Variants in DIP2C observed in about 807,000 individuals in gnomAD.
DIP2C encodes disco-interacting protein 2 homolog C.
In DIP2C, 33 loss-of-function variants were observed where a neutral mutation model predicts 192.4. The ratio of observed to expected loss-of-function variants is 0.17; its 90% confidence interval spans 0.13 to 0.23. The LOEUF is 0.23. Ranked by LOEUF, DIP2C falls within the 10% of genes least tolerant of loss-of-function variation. DIP2C has a pLI of 1.00. For missense variants in DIP2C, 1,537 were observed against 2,110.1 expected (o/e 0.73, Z 5.32); for synonymous variants, 979 against 864.1 (o/e 1.13, Z -2.33).
intron 31 of DIP2C, 121 bp from the exon 32 acceptor site, chr10:310,213 C>T (rs1329442709): frequency 2.7e-5 from 25 of 934,976 alleles, no homozygotes; most frequent in Non-Finnish European, 4.0e-5. Flanking sequence ...AAACTAAAAA[C>T]ACTTAGACCA....
chr10:631,853 A>G lies in DIP2C; in HGVS notation c.85+57641T>C, dbSNP rs1035223902. ...AAGGCATTTTCATATGTTTACCTGA[A>G]TATTTTAATAAAATCAAAAGATCCC... On this transcript the variant is annotated intron_variant, in intron 1 of 36. Transcript: ENST00000280886. Among the ~76,000 whole-genome samples the G allele has an allele frequency of 4.6e-5, 7 of 152,236 alleles. No homozygotes were observed. In the South Asian group the frequency reaches 6.2e-4, roughly 13 times the overall value.
intron 1 of DIP2C, among the ~76,000 whole-genome samples, chr10:602,406 T>C (rs1260079675): frequency 2.0e-5 from 3 of 152,224 alleles, no homozygotes; most frequent in Non-Finnish European, 4.4e-5. Flanking sequence ...CCTGAATGTC[T>C]GTCCCCAAAA....
intron 1 of DIP2C, among the ~76,000 whole-genome samples, chr10:581,640 A>G (rs1479216943): frequency 4.6e-5 from 7 of 152,150 alleles, no homozygotes; most frequent in Non-Finnish European, 1.0e-4. Context: ...CATGGATGGA[A>G]CCCACCACCA....
At position 274,229 on chromosome 10, in the gene DIP2C, AAAG is replaced by A; in HGVS notation, c.*3093_*3095del. ...GAACAAATATATTTAGATATATTTA[AAAG>A]AATTAAAAAAAACATTTCACAAAAC... On this transcript the variant is annotated 3_prime_UTR_variant, in exon 37 of 37. Transcript: ENST00000280886. 6.6e-6 allele frequency: 1 copy of A among 152,176 alleles called. No homozygotes were observed. Among genetic ancestry groups the A allele is most frequent in the East Asian group, 1.9e-4 (1 of 5,196 alleles). The allele number at this position is 152,176 out of a possible 1,614,324, so 9.4% of individuals were successfully genotyped here.
At chr10:438,025 T>C (rs1177611741) in intron 4 of DIP2C, 1 of 152,218 alleles carries the variant, frequency 6.6e-6, no homozygotes, top group Non-Finnish European at 1.5e-5. Context: ...TATTGATATT[T>C]ATGATTGTAC....
At chr10:457,606 G>C (rs1391765332) in intron 3 of DIP2C, among the ~76,000 whole-genome samples, 1 of 152,006 alleles carries the variant, frequency 6.6e-6, no homozygotes, top group East Asian at 1.9e-4. Flanking sequence ...CCCAGAGTGG[G>C]GTGCAGTGAT....
chr10:660,703 T>C (rs897509163), intron 1 of DIP2C, among the ~76,000 whole-genome samples: 3 of 152,226 alleles, frequency 2.0e-5, no homozygotes, highest in African/African-American at 7.2e-5. Context: ...ATAAAGACTC[T>C]ACAAGGTCAT....
chr10:631,623 T>C (rs1854525014), intron 1 of DIP2C, among the ~76,000 whole-genome samples: 1 of 152,218 alleles, frequency 6.6e-6, no homozygotes, highest in African/African-American at 2.4e-5. Flanking sequence ...TAAAGATTGT[T>C]TTTAAATATT....
chr10:600,075 GA>G (rs1440497299), intron 1 of DIP2C, among the ~76,000 whole-genome samples: 1 of 152,190 alleles, frequency 6.6e-6, no homozygotes. Flanking sequence ...AGGCAGAGGG[GA>G]AAGAGGAACC....
Position 364,405 on chromosome 10 carries a change from C to A in DIP2C, c.2446G>T (p.Val816Leu). The A allele has an allele frequency of 6.2e-7, 1 of 1,613,846 alleles. No homozygotes were observed. Reference protein sequence around the residue: ...ADDIVATALAVEPMKFVYRGR... With the variant: ...ADDIVATALALEPMKFVYRGR... ...CGGTAGACAAACTTCATGGGTTCTA[C>A]GGCCAGCGCAGTGGCCACGATGTCG... The change falls in exon 20 of 37, where the codon GTA (valine) becomes TTA (leucine). Residue 816 changes from valine to leucine, a missense_variant. Around this residue, in one of 4 missense-constraint regions of DIP2C, gnomAD observed 677 missense variants for 989.9 expected, o/e 0.68. Transcript: ENST00000280886.
chr10:282,852 C>T (rs1954908241), intron 35 of DIP2C, among the ~76,000 whole-genome samples: 1 of 152,238 alleles, frequency 6.6e-6, no homozygotes. Context: ...AGACCCAGTC[C>T]TAGAAGCAGC....
At chr10:567,701 G>A (rs1849533162) in intron 1 of DIP2C, among the ~76,000 whole-genome samples, 1 of 152,114 alleles carries the variant, frequency 6.6e-6, no homozygotes. Flanking sequence ...GCAGTGGTGT[G>A]ATCTCTGCTC....
At chr10:644,590 C>T (rs1180819348) in intron 1 of DIP2C, among the ~76,000 whole-genome samples, 1 of 152,262 alleles carries the variant, frequency 6.6e-6, no homozygotes, top group Non-Finnish European at 1.5e-5. Context: ...GCTGAAACAA[C>T]GTCCGGGGGC....
At chr10:618,435 G>C (rs1347980929) in intron 1 of DIP2C, among the ~76,000 whole-genome samples, 1 of 152,182 alleles carries the variant, frequency 6.6e-6, no homozygotes, top group Non-Finnish European at 1.5e-5. Flanking sequence ...GGAGCAAGCT[G>C]ACCTGCCCAC....
chr10:586,339 A>T (rs1588528371), intron 1 of DIP2C, among the ~76,000 whole-genome samples: 1 of 152,158 alleles, frequency 6.6e-6, no homozygotes, highest in African/African-American at 2.4e-5. Context: ...GACACATGAA[A>T]CCAGGATTAC....
chr10:484,894 G>T (rs779519887), intron 2 of DIP2C: 40 of 1,611,662 alleles, frequency 2.5e-5, no homozygotes, highest in Non-Finnish European at 3.4e-5. Context: ...TGTTCTCCTC[G>T]GCGCTCCTTC....
chr10:571,390 G>C (rs1188529380), intron 1 of DIP2C, among the ~76,000 whole-genome samples: 2 of 152,202 alleles, frequency 1.3e-5, no homozygotes, highest in South Asian at 4.1e-4. Flanking sequence ...TGACGCACCC[G>C]CGAGGGTCGG....
intron 3 of DIP2C, 47 bp from the exon 4 acceptor site, chr10:441,043 G>A (rs61837201): frequency 0.052 from 82,065 of 1,583,094 alleles, 8,145 homozygotes; most frequent in African/African-American, 0.43. Context: ...TGAGGTCCCA[G>A]AGGCCAAGCT....
intron 1 of DIP2C, among the ~76,000 whole-genome samples, chr10:621,841 T>A (rs1221944211): frequency 1.3e-5 from 2 of 152,188 alleles, no homozygotes; most frequent in African/African-American, 4.8e-5. Flanking sequence ...GAGGTTGACA[T>A]GGCTTCCGGA....
Sources: allele counts gnomAD v4.1 joint callset (sites outside exome capture counted in the v4.1 genomes callset), GRCh38; gene constraint gnomAD v4.1.1; regional missense constraint gnomAD v4.1.1; transcripts MANE v1.5; gene names NCBI Gene and HGNC (gene_info 2026-07-23, HGNC 2026-07-21).